Variants in VEPH1 observed in about 807,000 individuals in gnomAD.
The protein encoded by VEPH1 is ventricular zone expressed PH domain containing 1, also known as ventricular zone-expressed PH domain-containing protein homolog 1.
In VEPH1, 80 loss-of-function variants were observed where a neutral mutation model predicts 85.2. The observed-to-expected ratio is 0.94, with a 90% CI of 0.78 to 1.13. VEPH1 has a LOEUF of 1.13. Among genes scored for constraint, VEPH1 ranks in the 50% most tolerant of loss-of-function variants. VEPH1 has a pLI of 0.00. For missense variants in VEPH1, 955 were observed against 980.5 expected, an observed-to-expected ratio of 0.97 and a Z score of 0.35; for synonymous variants, 297 against 348.0, an observed-to-expected ratio of 0.85 and a Z score of 1.63.
At position 157,379,311 on chromosome 3, in the gene VEPH1, T is replaced by A. The variant is rs142396453; in HGVS notation, c.1127+1845A>T. On this transcript the variant is annotated intron_variant, in intron 7 of 13. Coordinates refer to ENST00000362010, the MANE Select transcript of VEPH1 (RefSeq NM_001167912.2). The stretch of plus-strand genomic sequence containing the variant: ...GTATCTTTGTATGTGCTATTTTTTT[T>A]AATTTGTGGTATCCTTTTTACCCTT... Among the ~76,000 whole-genome samples, 755 of 152,334 alleles carry A rather than the reference T, an allele frequency of 5.0e-3. 7 individuals carry two copies. The highest frequency in any genetic ancestry group is 0.017 in the African/African-American group (726 of 41,580).
intron 9 of VEPH1, among the ~76,000 whole-genome samples, chr3:157,362,379 T>C (rs1312526910): frequency 2.0e-5 from 3 of 152,122 alleles, no homozygotes; most frequent in Non-Finnish European, 2.9e-5. Flanking sequence ...CTGAGGAAGG[T>C]CCTGGCCCCT....
At chr3:157,457,077 G>C (rs1054652047) in intron 4 of VEPH1, among the ~76,000 whole-genome samples, 1 of 152,010 alleles carries the variant, frequency 6.6e-6, no homozygotes, top group African/African-American at 2.4e-5. Flanking sequence ...TCTCCTTATA[G>C]AGATCTTTCA....
chr3:157,358,331 C>G (rs1725669647), intron 9 of VEPH1, among the ~76,000 whole-genome samples: 1 of 152,178 alleles, frequency 6.6e-6, no homozygotes, highest in Non-Finnish European at 1.5e-5. Flanking sequence ...GCCCTTCTAA[C>G]AGGGGCCCAA....
chr3:157,294,086 A>C (rs991294797), intron 11 of VEPH1, among the ~76,000 whole-genome samples: 2 of 152,100 alleles, frequency 1.3e-5, no homozygotes, highest in Non-Finnish European at 2.9e-5. Context: ...TGTTAAATCT[A>C]TTTGTGGTAC....
intron 11 of VEPH1, among the ~76,000 whole-genome samples, chr3:157,312,900 ATTTTTTTTT>A (rs140277345): frequency 1.0e-5 from 1 of 98,102 alleles, no homozygotes; most frequent in Non-Finnish European, 1.9e-5. Flanking sequence ...AAAAAAAAAC[ATTTTTTTTT>A]TTTTTTTTTT....
intron 2 of VEPH1, among the ~76,000 whole-genome samples, chr3:157,484,456 T>G (rs1173985717): frequency 6.6e-6 from 1 of 152,096 alleles, no homozygotes; most frequent in Non-Finnish European, 1.5e-5. Context: ...GACATGCCAC[T>G]GCACTTGCTG....
intron 1 of VEPH1, among the ~76,000 whole-genome samples, chr3:157,498,143 C>A (rs1255020055): frequency 2.0e-5 from 3 of 152,150 alleles, no homozygotes; most frequent in Non-Finnish European, 4.4e-5. Flanking sequence ...AAGATTTTTA[C>A]AGGTTTTATT....
At chr3:157,470,656 A>T in intron 2 of VEPH1, 127 bp from the exon 3 acceptor site, 1 of 761,360 alleles carries the variant, frequency 1.3e-6, no homozygotes, top group Non-Finnish European at 2.1e-6. Context: ...GAGGGTGTAA[A>T]GCCTAATACA....
chr3:157,416,602 T>C (rs1731930840), intron 5 of VEPH1, among the ~76,000 whole-genome samples: 1 of 152,196 alleles, frequency 6.6e-6, no homozygotes, highest in South Asian at 2.1e-4. Context: ...CATTTGCCAG[T>C]CCTTACTCTT....
At chr3:157,446,768 C>A (rs1734586288) in intron 4 of VEPH1, among the ~76,000 whole-genome samples, 1 of 152,138 alleles carries the variant, frequency 6.6e-6, no homozygotes, top group African/African-American at 2.4e-5. Context: ...CATGAACACT[C>A]CTATCGTTGA....
chr3:157,400,368 GA>G (rs1388039479), intron 6 of VEPH1, among the ~76,000 whole-genome samples: 1 of 151,684 alleles, frequency 6.6e-6, no homozygotes, highest in South Asian at 2.1e-4. Context: ...CCACCCTTGA[GA>G]AAAAAAGCAA....
At chr3:157,364,217 TA>T (rs1726373371) in intron 8 of VEPH1, 85 bp downstream of exon 8, 6 of 1,070,112 alleles carry the variant, frequency 5.6e-6, no homozygotes, top group Non-Finnish European at 5.3e-6. Context: ...AAAAGATATA[TA>T]AAAAACACCC....
intron 3 of VEPH1, among the ~76,000 whole-genome samples, chr3:157,462,412 A>C (rs893938996): frequency 1.3e-5 from 2 of 152,186 alleles, no homozygotes. Flanking sequence ...TTTTATAAAC[A>C]ACCTTTGTCT....
chr3:157,360,143 T>C (rs1725885646), intron 9 of VEPH1, among the ~76,000 whole-genome samples: 1 of 152,196 alleles, frequency 6.6e-6, no homozygotes, highest in Non-Finnish European at 1.5e-5. Flanking sequence ...AATCTTAGGA[T>C]AACAAGCAAA....
At chr3:157,270,429 T>G (rs2108279334) in intron 12 of VEPH1, among the ~76,000 whole-genome samples, 1 of 152,300 alleles carries the variant, frequency 6.6e-6, no homozygotes, top group Non-Finnish European at 1.5e-5. Flanking sequence ...TCTAGTGCAA[T>G]TGGAACCCAA....
At position 157,317,138 on chromosome 3, in the gene VEPH1, AG is replaced by A. The variant is rs1425351388; in HGVS notation, c.1798del (p.Leu600TyrfsTer62). The A allele has an allele frequency of 6.2e-7, 1 of 1,613,764 alleles. No homozygotes were observed. The highest frequency in any genetic ancestry group is 1.7e-5 in the Admixed American group (1 of 59,992). Reference protein sequence around the residue: ...FTCSLKGHYCLYSKSSFILIS... With the variant: ...FTCSLKGHYCXYSKSSFILIS... ...GAGAATAAAACTGGACTTACTGTAT[AG>A]GCAGTAATGACCCTTCAGGGAGCAG... On this transcript the variant is annotated frameshift_variant, in exon 10 of 14. Coordinates refer to ENST00000362010, the MANE Select transcript of VEPH1 (RefSeq NM_001167912.2). LOFTEE classifies it high-confidence loss of function.
intron 9 of VEPH1, among the ~76,000 whole-genome samples, chr3:157,339,476 G>T (rs1164572031): frequency 6.6e-6 from 1 of 152,162 alleles, no homozygotes; most frequent in Non-Finnish European, 1.5e-5. Flanking sequence ...CTGTGCTGTT[G>T]TTGCCAAGCA....
In VEPH1 at chr3:157,489,602, C is replaced by T. The variant is rs565561952; in HGVS notation, c.138+5610G>A. 1.6e-4 allele frequency among the ~76,000 whole-genome samples: 25 copies of T among 152,228 alleles called. 1 individual carries two copies. Among genetic ancestry groups the T allele is most frequent in the African/African-American group, 5.1e-4 (21 of 41,558 alleles). On this transcript the variant is annotated intron_variant, in intron 2 of 13. Coordinates refer to ENST00000362010, the MANE Select transcript of VEPH1 (RefSeq NM_001167912.2). ...TCCGATATCCTGTCACTGCCCTCTG[C>T]GTTAATTTTCTACATAGCACTTACT... is the stretch of plus-strand genomic sequence containing the variant.
At chr3:157,332,258 T>C (rs932385717) in intron 9 of VEPH1, among the ~76,000 whole-genome samples, 2 of 152,204 alleles carry the variant, frequency 1.3e-5, no homozygotes, top group African/African-American at 2.4e-5. Flanking sequence ...AAATTTACCA[T>C]TTTGACCATT....
Sources: allele counts gnomAD v4.1 joint callset (sites outside exome capture counted in the v4.1 genomes callset), GRCh38; gene constraint gnomAD v4.1.1; transcripts MANE v1.5; gene names NCBI Gene and HGNC (gene_info 2026-07-23, HGNC 2026-07-21).